TTC7A: variants seen among roughly 807,000 people sequenced by gnomAD.
TTC7A encodes tetratricopeptide repeat protein 7A.
Under a neutral mutation model 103.7 loss-of-function variants are expected in TTC7A, and 110 were observed. The ratio of observed to expected loss-of-function variants is 1.06; its 90% CI spans 0.91 to 1.24. TTC7A has a LOEUF of 1.24. Ranked by LOEUF, TTC7A falls within the 50% of genes most tolerant of loss-of-function variation. The probability of loss-of-function intolerance (pLI) is 0.00; values close to 1 mark genes in which losing one functional copy is unlikely to be tolerated. For synonymous variants in TTC7A, 521 were observed against 467.9 expected (o/e 1.11, Z -1.47); for missense variants, 1,340 against 1,116.3 (o/e 1.20, Z -2.86).
rs147568948 is a variant in TTC7A at position 46,925,684 on chromosome 2, T to TC, written c.82+8412dup. 6.2e-4 allele frequency among the ~76,000 whole-genome samples: 94 copies of TC among 151,992 alleles called. No homozygotes were observed. The East Asian group carries it at 0.017, about 27-fold the overall frequency. ...CTAAGCTGACTTCTCCCCTGCCACC[T>TC]CCCCCAAAAAAACCCATGTTTATTT... On this transcript the variant is annotated intron_variant, in intron 2 of 20. Transcript: ENST00000409245.
intron 1 of TTC7A, among the ~76,000 whole-genome samples, chr2:46,943,041 G>A (rs1670587879): frequency 6.6e-6 from 1 of 152,082 alleles, no homozygotes; most frequent in African/African-American, 2.4e-5. Flanking sequence ...AAGTAGCTGG[G>A]ACTACAGGTG....
At chr2:46,972,067 C>T (rs1481870311) in intron 3 of TTC7A, among the ~76,000 whole-genome samples, 1 of 152,090 alleles carries the variant, frequency 6.6e-6, no homozygotes, top group Non-Finnish European at 1.5e-5. Flanking sequence ...GCAGGTAGAG[C>T]TTCAGGCAAA....
chr2:46,956,874 CA>C lies in TTC7A; in HGVS notation c.387del (p.Lys129AsnfsTer61). 6.2e-6 allele frequency: 10 copies of C among 1,614,184 alleles called. No individual in the cohort carries two copies. The highest frequency in any genetic ancestry group is 8.5e-6 in the Non-Finnish European group (10 of 1,180,026). ...YMCEAMLILG[K>X]LHYVEGSYRD... The stretch of plus-strand genomic sequence containing the variant: ...TGTGTGAGGCCATGCTGATCCTGGG[CA>C]AACTGCATTACGTGGAGGGCTCATA... On this transcript the variant is annotated frameshift_variant, in exon 3 of 20. Transcript: ENST00000319190. LOFTEE classifies it high-confidence loss of function.
In TTC7A at chr2:47,046,329, A is replaced by C. The variant is rs139010200; in HGVS notation, c.1817A>C (p.Lys606Thr). ...HPENFNLMFT[K>T]VKLEQVLKGP... ...CGTCCCCACAGCCTGATGTTCACCA[A>C]GGTGAAGCTGGAGCAGGTGCTGAAA... is the stretch of plus-strand genomic sequence containing the variant. The change falls in exon 16 of 20, where the codon AAG becomes ACG. Residue 606 changes from lysine to threonine, a missense_variant. By Grantham distance (78) the Lys-to-Thr change is moderately conservative. Transcript: ENST00000319190. 1 of 1,613,922 alleles carries C rather than the reference A, an allele frequency of 6.2e-7. No homozygotes were observed. Among genetic ancestry groups the C allele is most frequent in the Admixed American group, 1.7e-5 (1 of 60,026 alleles).
intron 10 of TTC7A, among the ~76,000 whole-genome samples, chr2:47,008,487 G>C (rs532320347): frequency 8.3e-4 from 126 of 152,344 alleles, no homozygotes; most frequent in African/African-American, 3.0e-3. Context: ...TTCGCGACTT[G>C]GCTCCTTCAC....
intron 14 of TTC7A, among the ~76,000 whole-genome samples, chr2:47,027,754 C>T (rs371465272): frequency 2.0e-4 from 31 of 152,260 alleles, no homozygotes; most frequent in African/African-American, 7.0e-4. Context: ...GGTGCAAGGG[C>T]CAGGGACTCT....
At chr2:46,995,887 A>G (rs376522968) in intron 8 of TTC7A, among the ~76,000 whole-genome samples, 21 of 152,370 alleles carry the variant, frequency 1.4e-4, no homozygotes, top group East Asian at 7.7e-4. Context: ...AAAAACTACA[A>G]TATGCAGGAT....
intron 8 of TTC7A, among the ~76,000 whole-genome samples, chr2:46,996,895 C>T (rs1010505389): frequency 3.3e-5 from 5 of 152,186 alleles, no homozygotes; most frequent in African/African-American, 1.2e-4. Context: ...TCCGCCATTT[C>T]ACCACGTTCA....
chr2:46,930,911 T>A (rs13430703), intron 2 of TTC7A, among the ~76,000 whole-genome samples: 5,330 of 152,148 alleles, frequency 0.035, 120 homozygotes, highest in Non-Finnish European at 0.053. Context: ...AAGAAAAAAA[T>A]ATATATACCC....
chr2:47,046,982 T>A, intron 16 of TTC7A: 1 of 361,782 alleles, frequency 2.8e-6, no homozygotes, highest in South Asian at 5.2e-5. Context: ...TCACCCACGG[T>A]CTTCATGCCT....
chr2:47,060,385 AT>A (rs963574856), intron 18 of TTC7A, among the ~76,000 whole-genome samples: 6 of 151,424 alleles, frequency 4.0e-5, no homozygotes, highest in Non-Finnish European at 8.8e-5. Context: ...AAATAAATTA[AT>A]TTTTTTTAAA....
At chr2:47,034,305 C>G (rs545870603) in intron 15 of TTC7A, 1 of 152,276 alleles carries the variant, frequency 6.6e-6, no homozygotes, top group African/African-American at 2.4e-5. Context: ...GCTCCCTATC[C>G]AGGCCTGGGT....
rs113530544 is a variant in TTC7A, at chr2:47,022,062, A to C, written c.1510+83A>C. On this transcript the variant is annotated intron_variant, in intron 12 of 19. Transcript: ENST00000319190. ...CTCAGAGGCATCTTGTCCTACCGGC[A>C]CCCCTCCCCTCAGGCCATGCCTCCA... 10 of 968,010 alleles carry C rather than the reference A, an allele frequency of 1.0e-5. No homozygotes were observed. In the African/African-American group the frequency reaches 1.3e-4, roughly 13 times the overall value. The allele number at this position is 968,010 out of a possible 1,614,324, so 60.0% of individuals were successfully genotyped here.
intron 3 of TTC7A, among the ~76,000 whole-genome samples, chr2:46,965,136 C>A (rs1422084080): frequency 6.6e-6 from 1 of 152,252 alleles, no homozygotes; most frequent in African/African-American, 2.4e-5. Flanking sequence ...TCTCCTCTCC[C>A]CGCCCGTTGA....
chr2:46,941,984 G>GA lies in TTC7A; in HGVS notation c.184+262dup. The GA allele has an allele frequency of 1.7e-6, 1 of 575,638 alleles. No homozygotes were observed. Among genetic ancestry groups the GA allele is most frequent in the East Asian group, 2.9e-5 (1 of 34,040 alleles). The allele number at this position is 575,638 out of a possible 1,614,324, so 35.7% of individuals were successfully genotyped here. ...TAATGTGGCTAACTCTGTCTACCGT[G>GA]AAATGGTGGTATCTGCATATCATGA... On this transcript the variant is annotated intron_variant, in intron 1 of 19. Transcript: ENST00000319190. This position sits in a 1 kb window ranked among gnomAD's most constrained non-coding sequence, Gnocchi z 4.2.
rs1682567064 is a variant in TTC7A, at chr2:47,048,678, C to T, written c.1920-1271C>T. 2.6e-5 allele frequency among the ~76,000 whole-genome samples: 4 copies of T among 152,178 alleles called. No individual in the cohort carries two copies. In the South Asian group the frequency reaches 8.3e-4, roughly 32 times the overall value. On this transcript the variant is annotated intron_variant, in intron 16 of 19. Coordinates refer to ENST00000319190, the MANE Select transcript of TTC7A (RefSeq NM_020458.4). ...AGTTCAGTGGCAGGATCACAGCTCACTGCAGCCTCTGTCCCCTGGGCTTAA... is the reference window on the plus strand; with the variant it reads ...AGTTCAGTGGCAGGATCACAGCTCATTGCAGCCTCTGTCCCCTGGGCTTAA...
intron 1 of TTC7A, among the ~76,000 whole-genome samples, chr2:46,916,884 C>A (rs1337488911): frequency 2.0e-5 from 3 of 152,184 alleles, no homozygotes; most frequent in African/African-American, 7.2e-5. Flanking sequence ...CCTCCCGCCT[C>A]AGCCTCCCAA....
chr2:46,916,848 T>C (rs1668821861), intron 1 of TTC7A, among the ~76,000 whole-genome samples: 1 of 152,096 alleles, frequency 6.6e-6, no homozygotes, highest in South Asian at 2.1e-4. Flanking sequence ...TTGGCCAGGC[T>C]GGTCTCTAAC....
chr2:47,038,003 C>G (rs1382569001), intron 15 of TTC7A, among the ~76,000 whole-genome samples: 1 of 152,154 alleles, frequency 6.6e-6, no homozygotes, highest in Non-Finnish European at 1.5e-5. Flanking sequence ...GTAATCCCAG[C>G]ACTTTGGGAT....
Sources: gnomAD v4.1 joint callset for allele counts (sites outside exome capture counted in the v4.1 genomes callset) on GRCh38, gnomAD v4.1.1 for gene constraint, Gnocchi (gnomAD v3.1) non-coding constraint, MANE v1.5 for transcripts, NCBI Gene and HGNC (gene_info 2026-07-23, HGNC 2026-07-21) for gene names.